Variants in EPHB2 observed in about 807,000 individuals in gnomAD.
EPHB2 encodes ephrin type-B receptor 2.
A neutral mutation model predicts 96.4 loss-of-function variants in EPHB2; 18 were observed. That is an observed-to-expected ratio of 0.19 (90% CI 0.13 to 0.28). The LOEUF is 0.28. Ranked by LOEUF, EPHB2 falls within the 10% of genes least tolerant of loss-of-function variation. The pLI, the probability that EPHB2 is intolerant of heterozygous loss-of-function variation, is 1.00. For missense variants in EPHB2, 989 were observed against 1,355.4 expected (o/e 0.73, Z 4.25); for synonymous variants, 506 against 534.1 (o/e 0.95, Z 0.72).
intron 5 of EPHB2, among the ~76,000 whole-genome samples, chr1:22,880,590 C>T (rs1373329422): frequency 1.3e-5 from 2 of 152,262 alleles, no homozygotes; most frequent in Non-Finnish European, 2.9e-5. Flanking sequence ...GAGAGTCCCT[C>T]TCTGGCCAGT....
chr1:22,850,922 G>A (rs1430015202), intron 3 of EPHB2, among the ~76,000 whole-genome samples: 3 of 152,226 alleles, frequency 2.0e-5, no homozygotes, highest in Admixed American at 6.5e-5. Context: ...GAGGCCAGGC[G>A]GGTGGAGGGG....
At position 22,784,992 on chromosome 1, in the gene EPHB2, G is replaced by T. The variant is rs571009170; in HGVS notation, c.727G>T (p.Gly243Trp). ...TGTACCCATCAAGCTCTACTGTAAC[G>T]GGGACGGCGAGTGGCTGGTGCCCAT... The part of the protein sequence containing the change: ...VDVPIKLYCN[G>W]DGEWLVPIGR... Residue 243 changes from glycine (G) to tryptophan (W), a missense_variant, in exon 3 of 16, where the codon GGG becomes TGG. Transcript: ENST00000374630. The surrounding 1 kb of genome is among the most constrained non-coding windows in gnomAD (Gnocchi z 5.1). 6.2e-7 allele frequency: 1 copy of T among 1,613,926 alleles called. No homozygotes were observed. The highest frequency in any genetic ancestry group is 8.5e-7 in the Non-Finnish European group (1 of 1,180,052).
chr1:22,766,428 G>A (rs1455281591), intron 1 of EPHB2, among the ~76,000 whole-genome samples: 1 of 152,226 alleles, frequency 6.6e-6, no homozygotes, highest in Middle Eastern at 3.2e-3. Flanking sequence ...GTTTCTTTGG[G>A]AGCTGTTCTC....
At chr1:22,879,961 T>C (rs1216187206) in intron 5 of EPHB2, among the ~76,000 whole-genome samples, 2 of 152,134 alleles carry the variant, frequency 1.3e-5, no homozygotes, top group Non-Finnish European at 2.9e-5. Flanking sequence ...CCACCTCATC[T>C]GGAGTGTCTC....
Position 22,718,547 on chromosome 1 carries a change from C to T in EPHB2, c.61+7504C>T, listed in dbSNP as rs148397934. Among the ~76,000 whole-genome samples the T allele has an allele frequency of 9.7e-3, 1,472 of 151,926 alleles. 23 individuals are homozygous for T. Among genetic ancestry groups the T allele is most frequent in the African/African-American group, 0.034 (1,391 of 41,442 alleles). On this transcript the variant is annotated intron_variant, in intron 1 of 15. Coordinates refer to ENST00000374630, the MANE Select transcript of EPHB2 (RefSeq NM_017449.5). The stretch of plus-strand genomic sequence containing the variant: ...GATTACAGATGCCTGCCACCATGCC[C>T]GGCTAATTTTTTGTATATTTTAGTA...
intron 6 of EPHB2, 21 bp downstream of exon 6, chr1:22,882,504 G>A (rs1418805957): frequency 1.2e-6 from 2 of 1,612,854 alleles, no homozygotes; most frequent in Non-Finnish European, 1.7e-6. Flanking sequence ...GCTGGGTGCT[G>A]TCCCCATCAC....
chr1:22,832,665 C>G (rs1013470874), intron 3 of EPHB2, among the ~76,000 whole-genome samples: 3 of 152,192 alleles, frequency 2.0e-5, no homozygotes, highest in Admixed American at 6.5e-5. Context: ...CCCTCCCTGA[C>G]CACACAAGAG....
At chr1:22,889,076 G>A (rs980968238) in intron 6 of EPHB2, among the ~76,000 whole-genome samples, 1 of 152,134 alleles carries the variant, frequency 6.6e-6, no homozygotes, top group Non-Finnish European at 1.5e-5. Context: ...GATCGCTTGT[G>A]TCTGGGAGGT....
chr1:22,794,903 C>T (rs1318940754), intron 3 of EPHB2, among the ~76,000 whole-genome samples: 3 of 152,248 alleles, frequency 2.0e-5, no homozygotes, highest in Non-Finnish European at 4.4e-5. Flanking sequence ...GCTTTAGAAT[C>T]TGGCAAGAGA....
chr1:22,779,803 G>T (rs575983266), intron 1 of EPHB2, among the ~76,000 whole-genome samples: 4 of 152,352 alleles, frequency 2.6e-5, no homozygotes, highest in African/African-American at 7.2e-5. Context: ...GTTCGTATTT[G>T]TTTCCTGGAA....
intron 2 of EPHB2, among the ~76,000 whole-genome samples, 197 bp downstream of exon 2, chr1:22,781,682 A>G (rs1013618597): frequency 6.7e-6 from 1 of 149,736 alleles, no homozygotes; most frequent in South Asian, 2.1e-4. Flanking sequence ...GCCAGTTACC[A>G]TGACAACAGG....
chr1:22,736,004 G>C (rs144846685), intron 1 of EPHB2, among the ~76,000 whole-genome samples: 1 of 152,212 alleles, frequency 6.6e-6, no homozygotes, highest in Non-Finnish European at 1.5e-5. Flanking sequence ...TGTGACTTTC[G>C]ATAGGCTCTT....
chr1:22,712,581 G>C (rs1304479424), intron 1 of EPHB2, among the ~76,000 whole-genome samples: 2 of 152,328 alleles, frequency 1.3e-5, no homozygotes, highest in East Asian at 3.9e-4. Flanking sequence ...CAGTCAGGGG[G>C]TGGGGGGTGT....
chr1:22,820,734 A>C (rs531504014), intron 3 of EPHB2, among the ~76,000 whole-genome samples: 1 of 152,346 alleles, frequency 6.6e-6, no homozygotes, highest in Non-Finnish European at 1.5e-5. Context: ...AACACAGACT[A>C]TGCCAATGGG....
Position 22,782,076 on chromosome 1 carries a change from G to A in EPHB2, c.126+591G>A, listed in dbSNP as rs115139418. ...AGGGTCTATGCTGTGAGCTCTCCAAGAGCAAAATCTGGCATAAGTTACAGA... is the reference window on the plus strand; with the variant it reads ...AGGGTCTATGCTGTGAGCTCTCCAAAAGCAAAATCTGGCATAAGTTACAGA... On this transcript the variant is annotated intron_variant, in intron 2 of 15. Transcript: ENST00000374630. Among the ~76,000 whole-genome samples the A allele has an allele frequency of 7.0e-3, 1,069 of 152,196 alleles. 15 individuals are homozygous for A. The highest frequency in any genetic ancestry group is 0.025 in the African/African-American group (1,033 of 41,530).
At chr1:22,908,619 C>G (rs533730689) in intron 12 of EPHB2, among the ~76,000 whole-genome samples, 7 of 152,288 alleles carry the variant, frequency 4.6e-5, no homozygotes, top group Admixed American at 1.3e-4. Context: ...CTCCTGAAAG[C>G]AGCAAGGGTT....
intron 9 of EPHB2, among the ~76,000 whole-genome samples, chr1:22,898,832 C>T (rs934232677): frequency 1.7e-4 from 26 of 152,236 alleles, no homozygotes; most frequent in African/African-American, 6.0e-4. Flanking sequence ...GATGTGGATA[C>T]GTAAGAATGA....
chr1:22,758,367 A>T (rs1038073259), intron 1 of EPHB2, among the ~76,000 whole-genome samples: 1 of 151,882 alleles, frequency 6.6e-6, no homozygotes, highest in African/African-American at 2.4e-5. Flanking sequence ...CCCTCCTAGG[A>T]GAGAACAGCT....
chr1:22,908,189 A>T, intron 12 of EPHB2, 21 bp downstream of exon 12: 1 of 1,613,844 alleles, frequency 6.2e-7, no homozygotes, highest in South Asian at 1.1e-5. Context: ...GGCAGGGAAC[A>T]CCGGAGTCAC....
Sources: gnomAD v4.1 joint callset for allele counts (sites outside exome capture counted in the v4.1 genomes callset) on GRCh38, gnomAD v4.1.1 for gene constraint, Gnocchi (gnomAD v3.1) non-coding constraint, MANE v1.5 for transcripts, NCBI Gene and HGNC (gene_info 2026-07-23, HGNC 2026-07-21) for gene names.